Variants in CYP2C8 observed in about 807,000 individuals in gnomAD.
CYP2C8 encodes the protein cytochrome P450 family 2 subfamily C member 8.
CYP2C8 carries 51 observed loss-of-function variants against 41.3 expected under a neutral mutation model. The ratio of observed to expected loss-of-function variants is 1.24; its 90% CI spans 0.99 to 1.56. The LOEUF is 1.56. Ranked by LOEUF, CYP2C8 falls within the 40% of genes most tolerant of loss-of-function variation. The probability of loss-of-function intolerance (pLI) is 0.00; values close to 1 mark genes in which losing one functional copy is unlikely to be tolerated. For synonymous variants in CYP2C8, 218 were observed against 205.8 expected, an observed-to-expected ratio of 1.06 and a Z score of -0.51; for missense variants, 651 against 579.9, an observed-to-expected ratio of 1.12 and a Z score of -1.26.
chr10:95,037,316 A>G lies in CYP2C8; in HGVS notation c.1292-7T>C. 1 of 1,612,624 alleles carries G rather than the reference A, an allele frequency of 6.2e-7. No homozygotes were observed. Among genetic ancestry groups the G allele is most frequent in the Non-Finnish European group, 8.5e-7 (1 of 1,179,448 alleles). On this transcript the variant is annotated splice_polypyrimidine_tract_variant and splice_region_variant and intron_variant, in intron 8 of 8. Coordinates refer to ENST00000371270, the MANE Select transcript of CYP2C8 (RefSeq NM_000770.3). ...CCTGCACAAATTCGTTTTCCTGAAG[A>G]TAACAAAGAAAGGAAGTAGTTACTC...
At chr10:95,055,755 T>C (rs1387942159) in intron 5 of CYP2C8, among the ~76,000 whole-genome samples, 1 of 152,110 alleles carries the variant, frequency 6.6e-6, no homozygotes, top group South Asian at 2.1e-4. Flanking sequence ...CATAAACAAT[T>C]ACCTACAGTT....
At chr10:95,053,733 G>A (rs1383820275) in intron 5 of CYP2C8, among the ~76,000 whole-genome samples, 2 of 152,126 alleles carry the variant, frequency 1.3e-5, no homozygotes, top group Non-Finnish European at 2.9e-5. Context: ...CATGGACACA[G>A]GGAGGGAAAC....
rs748974036 is a variant in CYP2C8 at position 95,037,288 on chromosome 10, TCTC to T, written c.1310_1312del (p.Gly437del). The T allele has an allele frequency of 7.4e-6, 12 of 1,613,428 alleles. No homozygotes were observed. The South Asian group carries it at 7.7e-5, about 10-fold the overall frequency. On this transcript the variant is annotated inframe_deletion, in exon 9 of 9. Coordinates refer to ENST00000371270, the MANE Select transcript of CYP2C8 (RefSeq NM_000770.3). Reference sequence around the variant, plus strand: ...AAATAGCTCCATGCGGGCAAGTCCTTCTCCTGCACAAATTCGTTTTCCTGAAGA... The same window carrying T: ...AAATAGCTCCATGCGGGCAAGTCCTTCTGCACAAATTCGTTTTCCTGAAGA...
chr10:95,041,003 A>G, intron 7 of CYP2C8: 1 of 456,238 alleles, frequency 2.2e-6, no homozygotes, highest in Non-Finnish European at 4.4e-6. Flanking sequence ...AGACCAAAAT[A>G]TCTTATGAAT....
In CYP2C8 at chr10:95,037,324, G is replaced by A; in HGVS notation, c.1292-15C>T. The A allele has an allele frequency of 6.2e-7, 1 of 1,611,594 alleles. No homozygotes were observed. The highest frequency in any genetic ancestry group is 8.5e-7 in the Non-Finnish European group (1 of 1,178,816). On this transcript the variant is annotated splice_polypyrimidine_tract_variant and intron_variant, in intron 8 of 8. Coordinates refer to ENST00000371270, the MANE Select transcript of CYP2C8 (RefSeq NM_000770.3). ...AATTCGTTTTCCTGAAGATAACAAA[G>A]AAAGGAAGTAGTTACTCCTTGTGTT...
chr10:95,045,735 A>C (rs2033094040), intron 6 of CYP2C8, 75 bp downstream of exon 6: 2 of 1,570,428 alleles, frequency 1.3e-6, no homozygotes, highest in Admixed American at 3.3e-5. Context: ...TCTGAGAGAA[A>C]CAAGGTGGAG....
At chr10:95,042,597 G>A (rs1390250389) in intron 7 of CYP2C8, among the ~76,000 whole-genome samples, 1 of 152,052 alleles carries the variant, frequency 6.6e-6, no homozygotes, top group Non-Finnish European at 1.5e-5. Context: ...TTTCCATATC[G>A]AACTACACAA....
At chr10:95,056,814 A>G (rs1389084060) in intron 5 of CYP2C8, among the ~76,000 whole-genome samples, 2 of 152,128 alleles carry the variant, frequency 1.3e-5, no homozygotes, top group African/African-American at 2.4e-5. Flanking sequence ...GTAGAGAGGA[A>G]TGGTAGTTGT....
At chr10:95,038,801 T>C in intron 8 of CYP2C8, 96 bp downstream of exon 8, 1 of 1,186,054 alleles carries the variant, frequency 8.4e-7, no homozygotes, top group Admixed American at 1.8e-5. Flanking sequence ...CAAATAGCAA[T>C]TCTACCAGCC....
At chr10:95,063,639 C>T (rs973431908) in intron 4 of CYP2C8, among the ~76,000 whole-genome samples, 1 of 152,196 alleles carries the variant, frequency 6.6e-6, no homozygotes, top group East Asian at 1.9e-4. Context: ...TCTCTCAGCT[C>T]GTCAAAGTCA....
intron 6 of CYP2C8, among the ~76,000 whole-genome samples, chr10:95,043,625 A>G (rs2033051642): frequency 6.6e-6 from 1 of 152,040 alleles, no homozygotes; most frequent in African/African-American, 2.4e-5. Flanking sequence ...TCTATTTTTT[A>G]CTTAACAATT....
intron 6 of CYP2C8, among the ~76,000 whole-genome samples, chr10:95,043,771 TCTC>T (rs2033054740): frequency 6.6e-6 from 1 of 151,790 alleles, no homozygotes; most frequent in African/African-American, 2.4e-5. Flanking sequence ...CACACACAAT[TCTC>T]CTCCTTCTAC....
At chr10:95,058,172 T>G (rs541094401) in intron 5 of CYP2C8, among the ~76,000 whole-genome samples, 163 bp downstream of exon 5, 40 of 152,322 alleles carry the variant, frequency 2.6e-4, no homozygotes, top group Admixed American at 5.2e-4. Flanking sequence ...TTTTGTATTT[T>G]CCATGATGTT....
chr10:95,058,306 A>G, intron 5 of CYP2C8, 29 bp downstream of exon 5: 3 of 1,611,566 alleles, frequency 1.9e-6, no homozygotes, highest in Non-Finnish European at 2.5e-6. Context: ...ACAAGAAATC[A>G]AAATACTGAT....
chr10:95,056,142 C>T (rs1244164186), intron 5 of CYP2C8, among the ~76,000 whole-genome samples: 1 of 152,038 alleles, frequency 6.6e-6, no homozygotes. Context: ...CCTTGAATAA[C>T]ATTTCTCTAA....
intron 5 of CYP2C8, among the ~76,000 whole-genome samples, chr10:95,046,648 C>T (rs574660424): frequency 6.6e-6 from 1 of 151,420 alleles, no homozygotes; most frequent in African/African-American, 2.4e-5. Flanking sequence ...CTTTTCTCCT[C>T]ATTACTCAAA....
intron 5 of CYP2C8, among the ~76,000 whole-genome samples, chr10:95,054,309 C>G (rs764336469): frequency 6.6e-6 from 1 of 151,970 alleles, no homozygotes; most frequent in South Asian, 2.1e-4. Context: ...AAAAATCTAA[C>G]AAGATAGACC....
At chr10:95,051,002 C>T (rs1457757409) in intron 5 of CYP2C8, among the ~76,000 whole-genome samples, 1 of 152,120 alleles carries the variant, frequency 6.6e-6, no homozygotes, top group African/African-American at 2.4e-5. Flanking sequence ...CTAAATAAGG[C>T]ACCAGGGACC....
chr10:95,046,015 T>C, intron 5 of CYP2C8, 64 bp from the exon 6 acceptor site: 1 of 1,579,242 alleles, frequency 6.3e-7, no homozygotes. Context: ...TACACTAAAT[T>C]TTAAAAAACA....
Sources: gnomAD v4.1 joint callset for allele counts (sites outside exome capture counted in the v4.1 genomes callset) on GRCh38, gnomAD v4.1.1 for gene constraint, MANE v1.5 for transcripts, NCBI Gene and HGNC (gene_info 2026-07-23, HGNC 2026-07-21) for gene names.